PHYHIP: variants seen among roughly 807,000 people sequenced by gnomAD.
The protein encoded by PHYHIP is phytanoyl-CoA hydroxylase-interacting protein.
PHYHIP carries 7 observed loss-of-function variants against 26.1 expected under a neutral mutation model. The ratio of observed to expected loss-of-function variants is 0.27; its 90% CI spans 0.15 to 0.50. The LOEUF is 0.50. Ranked by LOEUF, PHYHIP falls within the 20% of genes least tolerant of loss-of-function variation. PHYHIP has a pLI of 0.98. For missense variants in PHYHIP, 232 were observed against 454.7 expected, an observed-to-expected ratio of 0.51 and a Z score of 4.45; for synonymous variants, 206 against 183.4, an observed-to-expected ratio of 1.12 and a Z score of -1.00.
chr8:22,224,712 C>G (rs6990502), intron 3 of PHYHIP, among the ~76,000 whole-genome samples: 137,262 of 152,214 alleles, frequency 0.9, 61,904 homozygotes, highest in South Asian at 0.97. Flanking sequence ...AGACTTGAGA[C>G]GGGAGGGCTT....
In PHYHIP at chr8:22,230,809, A is replaced by G. The variant is rs62496061; in HGVS notation, c.-30+987T>C. Among the ~76,000 whole-genome samples the G allele has an allele frequency of 9.7e-4, 148 of 152,066 alleles. 1 individual carries two copies. The highest frequency in any genetic ancestry group is 3.4e-3 in the Middle Eastern group (1 of 294). ...TTTCCCTCTTCAATCTGTCACCTCC[A>G]TGCACACCCAGACATGTTCATGTCC... is the stretch of plus-strand genomic sequence containing the variant. On this transcript the variant is annotated intron_variant, in intron 1 of 4. Transcript: ENST00000454243.
intron 1 of PHYHIP, among the ~76,000 whole-genome samples, chr8:22,230,182 G>A (rs1829837505): frequency 6.6e-6 from 1 of 151,874 alleles, no homozygotes; most frequent in South Asian, 2.1e-4. Context: ...AAGCTCCCAG[G>A]GAGACACACA....
intron 3 of PHYHIP, among the ~76,000 whole-genome samples, chr8:22,224,987 A>G (rs530586882): frequency 1.3e-5 from 2 of 152,320 alleles, no homozygotes; most frequent in East Asian, 3.9e-4. Context: ...GCTCCTTGGT[A>G]CAAATTAGAA....
At chr8:22,229,338 C>G (rs1223638702) in intron 1 of PHYHIP, among the ~76,000 whole-genome samples, 1 of 152,102 alleles carries the variant, frequency 6.6e-6, no homozygotes, top group African/African-American at 2.4e-5. Context: ...GCATGGGTGC[C>G]CATGGTGTTT....
chr8:22,226,810 G>A (rs755340780), intron 3 of PHYHIP, 41 bp downstream of exon 3: 8 of 1,566,276 alleles, frequency 5.1e-6, no homozygotes, highest in Admixed American at 1.8e-5. Flanking sequence ...AAAGCCCGAC[G>A]TGCCAAGCAG....
At position 22,222,962 on chromosome 8, in the gene PHYHIP, A is replaced by AT. The variant is rs138763794; in HGVS notation, c.459-1076dup. 4.5e-3 allele frequency among the ~76,000 whole-genome samples: 692 copies of AT among 152,240 alleles called. 6 individuals carry two copies. Among genetic ancestry groups the AT allele is most frequent in the African/African-American group, 0.016 (650 of 41,534 alleles). ...CATCTCGGCCTCCCAACGTGGTAGG[A>AT]TTACAGGCTTGAGCCACCAAGCAGG... is the stretch of plus-strand genomic sequence containing the variant. On this transcript the variant is annotated intron_variant, in intron 4 of 4. Transcript: ENST00000454243.
chr8:22,230,565 G>A (rs1426176834), intron 1 of PHYHIP, among the ~76,000 whole-genome samples: 1 of 152,002 alleles, frequency 6.6e-6, no homozygotes, highest in Non-Finnish European at 1.5e-5. Context: ...GACAGGTTGA[G>A]GCAACACCCG....
intron 2 of PHYHIP, among the ~76,000 whole-genome samples, chr8:22,227,881 C>T (rs1829783465): frequency 6.6e-6 from 1 of 152,256 alleles, no homozygotes; most frequent in African/African-American, 2.4e-5. Flanking sequence ...GCTCTCTGCC[C>T]CTGCCTGAAG....
At chr8:22,223,598 C>G (rs1829679064) in intron 4 of PHYHIP, 1 of 152,214 alleles carries the variant, frequency 6.6e-6, no homozygotes, top group Non-Finnish European at 1.5e-5. Flanking sequence ...GATCAGATCA[C>G]CAATTTTCAA....
At chr8:22,224,434 C>T (rs1829701095) in intron 3 of PHYHIP, 91 bp from the exon 4 acceptor site, 3 of 749,304 alleles carry the variant, frequency 4.0e-6, no homozygotes, top group Admixed American at 3.7e-5. Context: ...CTGTGTGTGC[C>T]GGCCAACCTC....
chr8:22,224,185 G>A lies in PHYHIP; in HGVS notation c.458+41C>T, dbSNP rs961011177. 8 of 1,180,110 alleles carry A rather than the reference G, an allele frequency of 6.8e-6. No homozygotes were observed. In the African/African-American group the frequency reaches 1.0e-4, roughly 15 times the overall value. The allele number at this position is 1,180,110 out of a possible 1,614,324, so 73.1% of individuals were successfully genotyped here. ...CAGGAGCAGGAAGGGCTGGGAGGGAGGAGAGGCCCGGCGGGTCCAGCCGGG... is the reference window on the plus strand; with the variant it reads ...CAGGAGCAGGAAGGGCTGGGAGGGAAGAGAGGCCCGGCGGGTCCAGCCGGG... On this transcript the variant is annotated intron_variant, in intron 4 of 4. Transcript: ENST00000454243.
In PHYHIP at chr8:22,223,500, G is replaced by C. The variant is rs184073334; in HGVS notation, c.458+726C>G. ...TGCCTCACATTGCCTGGTCCTGGCTGTCCTCAGTAACAAGTGACTCCCTGG... is the reference window on the plus strand; with the variant it reads ...TGCCTCACATTGCCTGGTCCTGGCTCTCCTCAGTAACAAGTGACTCCCTGG... On this transcript the variant is annotated intron_variant, in intron 4 of 4. Coordinates refer to ENST00000454243, the MANE Select transcript of PHYHIP (RefSeq NM_014759.5). Among the ~76,000 whole-genome samples, 460 of 152,210 alleles carry C rather than the reference G, an allele frequency of 3.0e-3. 3 individuals are homozygous for C. Among genetic ancestry groups the C allele is most frequent in the Non-Finnish European group, 3.7e-3 (255 of 68,006 alleles).
intron 1 of PHYHIP, among the ~76,000 whole-genome samples, chr8:22,229,218 C>T (rs998410902): frequency 3.9e-5 from 6 of 152,238 alleles, no homozygotes; most frequent in South Asian, 2.1e-4. Context: ...CCCAAGGCCA[C>T]GCAGAGAGCA....
intron 1 of PHYHIP, 143 bp from the exon 2 acceptor site, chr8:22,228,529 C>G (rs931298134): frequency 1.7e-6 from 1 of 581,504 alleles, no homozygotes; most frequent in Non-Finnish European, 3.1e-6. Flanking sequence ...AAAGACTGTA[C>G]AGGGGAGGCT....
chr8:22,224,649 G>C (rs1829705404), intron 3 of PHYHIP, among the ~76,000 whole-genome samples: 1 of 152,204 alleles, frequency 6.6e-6, no homozygotes, highest in Non-Finnish European at 1.5e-5. Context: ...GGTCCTCAGG[G>C]GCTGTGATCC....
At chr8:22,223,012 A>G (rs756510029) in intron 4 of PHYHIP, among the ~76,000 whole-genome samples, 42 of 151,954 alleles carry the variant, frequency 2.8e-4, no homozygotes, top group African/African-American at 9.9e-4. Context: ...TACAAACCCC[A>G]AAGACTCCCA....
chr8:22,228,949 T>C (rs1333569263), intron 1 of PHYHIP: 1 of 152,434 alleles, frequency 6.6e-6, no homozygotes, highest in East Asian at 1.9e-4. Context: ...GTGGACACAT[T>C]CGTGGTGGGA....
intron 4 of PHYHIP, among the ~76,000 whole-genome samples, chr8:22,222,804 T>C (rs757636978): frequency 2.6e-5 from 4 of 152,136 alleles, no homozygotes; most frequent in Non-Finnish European, 5.9e-5. Flanking sequence ...AGTGGTGCAA[T>C]CACAGCTCAC....
At position 22,221,927 on chromosome 8, in the gene PHYHIP, T is replaced by C; in HGVS notation, c.459-40A>G. The C allele has an allele frequency of 6.9e-7, 1 of 1,455,138 alleles. No individual in the cohort carries two copies. Among genetic ancestry groups the C allele is most frequent in the Non-Finnish European group, 9.1e-7 (1 of 1,099,172 alleles). The allele number at this position is 1,455,138 out of a possible 1,614,324, so 90.1% of individuals were successfully genotyped here. A position where few individuals can be genotyped will look rare whatever the true frequency, so the allele number is the denominator to read the frequency against. On this transcript the variant is annotated intron_variant, in intron 4 of 4. Transcript: ENST00000454243. The surrounding 1 kb of genome is among the most constrained non-coding windows in gnomAD (Gnocchi z 7.9). Reference sequence around the variant, plus strand: ...GAGACACACCAAAGGGAAGAGAAGATGTGGCTGGTGAGCCGGGCTGAGGCT... The same window carrying C: ...GAGACACACCAAAGGGAAGAGAAGACGTGGCTGGTGAGCCGGGCTGAGGCT...
Sources: allele counts gnomAD v4.1 joint callset (sites outside exome capture counted in the v4.1 genomes callset), GRCh38; gene constraint gnomAD v4.1.1; non-coding constraint Gnocchi (gnomAD v3.1); transcripts MANE v1.5; gene names NCBI Gene and HGNC (gene_info 2026-07-23, HGNC 2026-07-21).